Variants in HERC1 observed in about 807,000 individuals in gnomAD.
The protein encoded by HERC1 is probable E3 ubiquitin-protein ligase HERC1.
In HERC1, 160 loss-of-function variants were observed where a neutral mutation model predicts 554.3. The ratio of observed to expected loss-of-function variants is 0.29; its 90% confidence interval spans 0.25 to 0.33. HERC1 has a LOEUF of 0.33. Ranked by LOEUF, HERC1 falls within the 10% of genes least tolerant of loss-of-function variation. The pLI is 1.00. For missense variants in HERC1, 4,919 were observed against 5,918.5 expected, an observed-to-expected ratio of 0.83 and a Z score of 5.54; for synonymous variants, 2,175 against 2,131.7, an observed-to-expected ratio of 1.02 and a Z score of -0.56.
At position 63,674,723 on chromosome 15, in the gene HERC1, G is replaced by C. The variant is rs1469725882; in HGVS notation, c.7465C>G (p.His2489Asp). The C allele has an allele frequency of 6.2e-7, 1 of 1,613,732 alleles. No homozygotes were observed. The highest frequency in any genetic ancestry group is 1.1e-5 in the South Asian group (1 of 91,030). The change falls in exon 38 of 78, where the codon CAT becomes GAT. Residue 2489 changes from histidine to aspartate, a missense_variant. Physicochemically the swap from His to Asp is moderately conservative, Grantham distance 81 (BLOSUM62 -1). Around this residue, in one of 11 missense-constraint regions of HERC1, gnomAD observed 1,963 missense variants for 2,228.6 expected, o/e 0.88. Transcript: ENST00000443617. ...TCATGGTTTTTGGACATGTGTTCAT[G>C]ATTTTTTCTTTTCCCTTCTGTTATT... ...HQITEGKRKN[H>D]EHMSKNHDVA... is the part of the protein sequence containing the mutation.
chr15:63,668,960 A>C (rs1045344950), intron 40 of HERC1, among the ~76,000 whole-genome samples: 4 of 152,206 alleles, frequency 2.6e-5, no homozygotes, highest in Non-Finnish European at 5.9e-5. Context: ...ACAACAGCAC[A>C]ATACACGTAT....
intron 52 of HERC1, 136 bp downstream of exon 52, chr15:63,652,278 G>T: frequency 1.7e-6 from 1 of 590,776 alleles, no homozygotes. Context: ...AATACACACT[G>T]AAAATACAGT....
At position 63,692,632 on chromosome 15, in the gene HERC1, A is replaced by G; in HGVS notation, c.5675-66T>C. On this transcript the variant is annotated intron_variant, in intron 30 of 77. Transcript: ENST00000443617. This position sits in a 1 kb window ranked among gnomAD's most constrained non-coding sequence, Gnocchi z 4.7. ...ACAAGAAATAGTCTTATATCACATA[A>G]TTTACCTTGAAACTGCAGTAAGCAC... The G allele has an allele frequency of 7.3e-7, 1 of 1,368,392 alleles. No homozygotes were observed. 84.8% of individuals were successfully genotyped at this position (1,368,392 alleles called of 1,614,324 possible). A position where few individuals can be genotyped will look rare whatever the true frequency, so the allele number is the denominator to read the frequency against.
intron 74 of HERC1, among the ~76,000 whole-genome samples, chr15:63,617,506 T>C (rs1379883859): frequency 6.6e-6 from 1 of 152,230 alleles, no homozygotes; most frequent in Non-Finnish European, 1.5e-5. Context: ...TGTTTTATAA[T>C]CCTTTGGGTA....
At chr15:63,701,524 C>G (rs895570470) in intron 25 of HERC1, among the ~76,000 whole-genome samples, 54 of 152,310 alleles carry the variant, frequency 3.5e-4, no homozygotes, top group African/African-American at 1.3e-3. Flanking sequence ...CTACACAACT[C>G]TGCTGTTGTA....
Position 63,612,699 on chromosome 15 carries a change from A to T in HERC1, c.14095-143T>A. The T allele has an allele frequency of 1.3e-6, 1 of 757,920 alleles. No individual in the cohort carries two copies. The highest frequency in any genetic ancestry group is 2.0e-5 in the South Asian group (1 of 50,938). 46.9% of individuals were successfully genotyped at this position (757,920 alleles called of 1,614,324 possible). A position where few individuals can be genotyped will look rare whatever the true frequency, so the allele number is the denominator to read the frequency against. On this transcript the variant is annotated intron_variant, in intron 76 of 77. Transcript: ENST00000443617. The surrounding 1 kb of genome is among the most constrained non-coding windows in gnomAD (Gnocchi z 5.0). ...TGTTTCTCAGACCGCCAGGCACGAG[A>T]GTCAGTCAAAAAGGCCCACCCTCCC...
intron 52 of HERC1, among the ~76,000 whole-genome samples, 168 bp from the exon 53 acceptor site, chr15:63,651,548 T>C (rs1259438696): frequency 6.6e-6 from 1 of 152,248 alleles, no homozygotes; most frequent in Non-Finnish European, 1.5e-5. Flanking sequence ...TTAATGTTTG[T>C]CATCATGTGA....
intron 55 of HERC1, among the ~76,000 whole-genome samples, chr15:63,646,733 G>C (rs1012227721): frequency 6.6e-6 from 1 of 151,376 alleles, no homozygotes; most frequent in African/African-American, 2.4e-5. Context: ...GCTTGAACCC[G>C]GGAAGCAGAG....
At chr15:63,774,267 G>C (rs1427828330) in intron 2 of HERC1, among the ~76,000 whole-genome samples, 1 of 152,158 alleles carries the variant, frequency 6.6e-6, no homozygotes, top group Non-Finnish European at 1.5e-5. Context: ...GGTGGAAACT[G>C]TATCCTCAAG....
chr15:63,757,865 A>G (rs2075481943), intron 4 of HERC1, among the ~76,000 whole-genome samples: 3 of 152,018 alleles, frequency 2.0e-5, no homozygotes, highest in Non-Finnish European at 1.5e-5. Flanking sequence ...ATGCGCCACC[A>G]TGCCTGGCTA....
chr15:63,624,398 AG>A (rs2068211485), intron 71 of HERC1, 71 bp from the exon 72 acceptor site: 2 of 1,398,334 alleles, frequency 1.4e-6, no homozygotes, highest in South Asian at 2.8e-5. Flanking sequence ...TTTCACTTAT[AG>A]AACATACATT....
intron 52 of HERC1, among the ~76,000 whole-genome samples, chr15:63,652,158 T>A (rs2069725171): frequency 6.6e-6 from 1 of 152,250 alleles, no homozygotes; most frequent in Admixed American, 6.5e-5. Context: ...ATTAGCCTAC[T>A]GTTTTACATA....
In HERC1 at chr15:63,655,838, G is replaced by A. The variant is rs1488686556; in HGVS notation, c.9988C>T (p.Pro3330Ser). 2 of 1,604,024 alleles carry A rather than the reference G, an allele frequency of 1.2e-6. No individual in the cohort carries two copies. The highest frequency in any genetic ancestry group is 1.1e-5 in the South Asian group (1 of 88,990). ...AGGGCCTGTGTTACAACAAAGTTTG[G>A]GGAGGTCACAAGCTTGTTCTCTTCA... ...IAEENKLVTS[P>S]NFVVTQALVA... The change falls in exon 50 of 78, where the codon CCA becomes TCA. Residue 3330 changes from proline to serine, a missense_variant. Physicochemically the swap from Pro to Ser is moderately conservative, Grantham distance 74 (BLOSUM62 -1). Transcript: ENST00000443617.
Position 63,623,180 on chromosome 15 carries a change from G to A in HERC1, c.13612-289C>T, listed in dbSNP as rs4523879. Among the ~76,000 whole-genome samples the A allele has an allele frequency of 0.81, 123,796 of 152,150 alleles. 52,239 individuals carry two copies. The highest frequency in any genetic ancestry group is 0.88 in the Non-Finnish European group (59,548 of 68,016). On this transcript the variant is annotated intron_variant, in intron 73 of 77. Coordinates refer to ENST00000443617, the MANE Select transcript of HERC1 (RefSeq NM_003922.4). ...GTGTAGTGATGTTCAAATCGAATCA[G>A]TAATGATAGCCAACCATTATTTTAG...
rs144810894 is a variant in HERC1, at chr15:63,638,794, C to T, written c.11902-18G>A. 554 of 1,600,226 alleles carry T rather than the reference C, an allele frequency of 3.5e-4. 5 individuals carry two copies. The East Asian group carries it at 0.012, about 35-fold the overall frequency. On this transcript the variant is annotated intron_variant, in intron 61 of 77. Coordinates refer to ENST00000443617, the MANE Select transcript of HERC1 (RefSeq NM_003922.4). ...CTGTTATCCTGAAAAACAGGGGGTA[C>T]ATAATGATCAATTCTGCTTAGGCAA...
intron 2 of HERC1, among the ~76,000 whole-genome samples, chr15:63,771,578 C>A (rs2075958203): frequency 6.6e-6 from 1 of 151,886 alleles, no homozygotes; most frequent in South Asian, 2.1e-4. Flanking sequence ...ATTACAGGCA[C>A]CTGCCACCAT....
intron 25 of HERC1, among the ~76,000 whole-genome samples, chr15:63,705,122 T>C (rs915513916): frequency 6.6e-6 from 1 of 152,130 alleles, no homozygotes; most frequent in African/African-American, 2.4e-5. Context: ...CTCTGGTCTT[T>C]ATTATTCCTA....
intron 71 of HERC1, among the ~76,000 whole-genome samples, 156 bp from the exon 72 acceptor site, chr15:63,624,483 G>T (rs2068215809): frequency 6.6e-6 from 1 of 152,226 alleles, no homozygotes; most frequent in South Asian, 2.1e-4. Context: ...GATCGCTTGA[G>T]CCCAGGAGTT....
chr15:63,649,635 A>G, intron 54 of HERC1, 90 bp downstream of exon 54: 1 of 983,298 alleles, frequency 1.0e-6, no homozygotes. Context: ...GATAATATTC[A>G]CTTGGTATTT....
Sources: allele counts gnomAD v4.1 joint callset (sites outside exome capture counted in the v4.1 genomes callset), GRCh38; gene constraint gnomAD v4.1.1; regional missense constraint gnomAD v4.1.1; non-coding constraint Gnocchi (gnomAD v3.1); transcripts MANE v1.5; gene names NCBI Gene and HGNC (gene_info 2026-07-23, HGNC 2026-07-21).